The following ARHGAP5 variants were observed in gnomAD, a reference collection of about 807,000 sequenced individuals.
ARHGAP5 encodes the protein Rho GTPase activating protein 5.
In ARHGAP5, 23 loss-of-function variants were observed where a neutral mutation model predicts 116.6. That is an observed-to-expected ratio of 0.20 (90% confidence interval 0.14 to 0.28). The LOEUF (loss-of-function observed/expected upper bound fraction) is 0.28. Among genes scored for constraint, ARHGAP5 ranks in the 10% least tolerant of loss-of-function variants. The pLI, the probability that ARHGAP5 is intolerant of heterozygous loss-of-function variation, is 1.00. For synonymous variants in ARHGAP5, 574 were observed against 602.0 expected, an observed-to-expected ratio of 0.95 and a Z score of 0.68; for missense variants, 1,405 against 1,774.8, an observed-to-expected ratio of 0.79 and a Z score of 3.74.
intron 3 of ARHGAP5, among the ~76,000 whole-genome samples, chr14:32,118,965 A>AG (rs1024635505): frequency 2.6e-5 from 4 of 152,178 alleles, no homozygotes; most frequent in African/African-American, 9.6e-5. Context: ...GATAAAATGC[A>AG]GGTCTAGTCC....
At chr14:32,129,592 TC>T (rs1032388930) in intron 3 of ARHGAP5, among the ~76,000 whole-genome samples, 16 of 152,220 alleles carry the variant, frequency 1.1e-4, no homozygotes, top group Admixed American at 9.8e-4. Flanking sequence ...AAATACAACT[TC>T]CTTAAGTAAA....
chr14:32,107,587 C>A, intron 2 of ARHGAP5, among the ~76,000 whole-genome samples: 1 of 151,956 alleles, frequency 6.6e-6, no homozygotes, highest in East Asian at 1.9e-4. Flanking sequence ...GGAAGTTGTA[C>A]CAATAGGGCT....
chr14:32,144,265 G>A (rs913023478), intron 3 of ARHGAP5, among the ~76,000 whole-genome samples: 5 of 152,124 alleles, frequency 3.3e-5, no homozygotes, highest in Non-Finnish European at 7.3e-5. Context: ...ATGTTATCTA[G>A]AGAACAATGA....
At chr14:32,135,059 G>A (rs114140880) in intron 3 of ARHGAP5, among the ~76,000 whole-genome samples, 4,285 of 152,172 alleles carry the variant, frequency 0.028, 198 homozygotes, top group African/African-American at 0.096. Context: ...TCCCAGCATT[G>A]TTTGTCTTAA....
At chr14:32,123,410 T>C (rs1879988104) in intron 3 of ARHGAP5, among the ~76,000 whole-genome samples, 1 of 152,094 alleles carries the variant, frequency 6.6e-6, no homozygotes, top group African/African-American at 2.4e-5. Context: ...AGTCTTTCTT[T>C]TTATGTGTTC....
chr14:32,130,781 T>C (rs1320192947), intron 3 of ARHGAP5, among the ~76,000 whole-genome samples: 2 of 152,152 alleles, frequency 1.3e-5, no homozygotes, highest in African/African-American at 4.8e-5. Context: ...TCCACCTGCC[T>C]CGGCCTCCCA....
intron 3 of ARHGAP5, among the ~76,000 whole-genome samples, chr14:32,144,132 T>A (rs1199965829): frequency 6.6e-6 from 1 of 152,006 alleles, no homozygotes; most frequent in Non-Finnish European, 1.5e-5. Context: ...GAAGAAAAAA[T>A]TGCGTCTAAT....
chr14:32,130,017 C>G (rs1456305127), intron 3 of ARHGAP5, among the ~76,000 whole-genome samples: 1 of 151,902 alleles, frequency 6.6e-6, no homozygotes, highest in Non-Finnish European at 1.5e-5. Flanking sequence ...GAGCCATGAT[C>G]ACAGTACTGC....
At chr14:32,137,176 T>A (rs1278690173) in intron 3 of ARHGAP5, among the ~76,000 whole-genome samples, 1 of 151,202 alleles carries the variant, frequency 6.6e-6, no homozygotes, top group Non-Finnish European at 1.5e-5. Context: ...TGAAGATTTA[T>A]CACTTTTTCC....
At chr14:32,145,222 G>A (rs1881320757) in intron 3 of ARHGAP5, among the ~76,000 whole-genome samples, 1 of 152,120 alleles carries the variant, frequency 6.6e-6, no homozygotes, top group South Asian at 2.1e-4. Flanking sequence ...GATTGGTGGT[G>A]GAAGTTTAGG....
chr14:32,114,175 C>T (rs1879443087), intron 2 of ARHGAP5, among the ~76,000 whole-genome samples: 1 of 151,714 alleles, frequency 6.6e-6, no homozygotes, highest in African/African-American at 2.4e-5. Context: ...TTGCAGTGAG[C>T]TGAGATCACG....
chr14:32,147,927 C>T (rs774613131), intron 4 of ARHGAP5, among the ~76,000 whole-genome samples: 9 of 152,074 alleles, frequency 5.9e-5, no homozygotes, highest in South Asian at 2.1e-4. Flanking sequence ...CCAAGGTGGG[C>T]GAATTGCCTG....
At chr14:32,154,419 G>A (rs531318872) in intron 6 of ARHGAP5, 3 of 518,256 alleles carry the variant, frequency 5.8e-6, no homozygotes, top group Non-Finnish European at 1.0e-5. Flanking sequence ...AAAGTGCTGC[G>A]ATTACAGGCG....
chr14:32,087,816 G>A (rs899040139), intron 1 of ARHGAP5, among the ~76,000 whole-genome samples: 11 of 151,908 alleles, frequency 7.2e-5, no homozygotes, highest in African/African-American at 2.4e-4. Flanking sequence ...TTTTAAACTT[G>A]AACATTTAAG....
chr14:32,157,279 T>C lies in ARHGAP5; in HGVS notation c.*2331T>C, dbSNP rs1457979096. The C allele has an allele frequency of 6.6e-6, 1 of 152,128 alleles. No homozygotes were observed. The highest frequency in any genetic ancestry group is 1.5e-5 in the Non-Finnish European group (1 of 67,778). 9.4% of individuals were successfully genotyped at this position (152,128 alleles called of 1,614,324 possible). On this transcript the variant is annotated 3_prime_UTR_variant, in exon 7 of 7. Transcript: ENST00000345122. ...AAGGGTTTAGATATGCTTTTAAATA[T>C]TAGAAACATCTAAGAACAGAATAAC... is the stretch of plus-strand genomic sequence containing the variant.
At chr14:32,109,007 TG>T (rs1879154638) in intron 2 of ARHGAP5, among the ~76,000 whole-genome samples, 1 of 152,178 alleles carries the variant, frequency 6.6e-6, no homozygotes, top group Admixed American at 6.5e-5. Context: ...TATAATTTGT[TG>T]CTGCTTGATA....
intron 2 of ARHGAP5, among the ~76,000 whole-genome samples, chr14:32,108,764 G>T (rs1368596281): frequency 6.6e-6 from 1 of 152,104 alleles, no homozygotes; most frequent in Non-Finnish European, 1.5e-5. Context: ...TTTTTGGAAA[G>T]AGAAGGATTA....
At chr14:32,094,491 A>G (rs1878429079) in intron 2 of ARHGAP5, 105 bp downstream of exon 2, 1 of 807,902 alleles carries the variant, frequency 1.2e-6, no homozygotes, top group Non-Finnish European at 1.9e-6. Context: ...TCCATACATA[A>G]TAATTAGTAG....
chr14:32,111,365 A>G (rs1879286485), intron 2 of ARHGAP5, among the ~76,000 whole-genome samples: 1 of 152,236 alleles, frequency 6.6e-6, no homozygotes, highest in Non-Finnish European at 1.5e-5. Flanking sequence ...GGGGAGAGCA[A>G]GTAAGATAAC....
Sources: allele counts gnomAD v4.1 joint callset (sites outside exome capture counted in the v4.1 genomes callset), GRCh38; gene constraint gnomAD v4.1.1; transcripts MANE v1.5; gene names NCBI Gene and HGNC (gene_info 2026-07-23, HGNC 2026-07-21).